DGLUCY: variants seen among roughly 807,000 people sequenced by gnomAD.
The protein encoded by DGLUCY is D-glutamate cyclase, mitochondrial.
A neutral mutation model predicts 58.5 loss-of-function variants in DGLUCY; 58 were observed. The observed-to-expected ratio is 0.99, with a 90% CI of 0.80 to 1.23. The LOEUF is 1.23. DGLUCY is among the 50% of genes most tolerant of loss of function. DGLUCY has a pLI of 0.00. For missense variants in DGLUCY, 779 were observed against 784.7 expected (o/e 0.99, Z 0.09); for synonymous variants, 325 against 314.1 (o/e 1.03, Z -0.37).
intron 1 of DGLUCY, among the ~76,000 whole-genome samples, chr14:91,144,566 AAAG>A (rs1288364855): frequency 2.0e-5 from 3 of 152,184 alleles, no homozygotes; most frequent in Non-Finnish European, 4.4e-5. Flanking sequence ...TATCACAAAA[AAAG>A]GAGTCATGGG....
At chr14:91,069,261 C>T (rs1456177533) in intron 1 of DGLUCY, among the ~76,000 whole-genome samples, 7 of 152,010 alleles carry the variant, frequency 4.6e-5, no homozygotes, top group East Asian at 3.9e-4. Context: ...GTTTTGTTTT[C>T]GTTGCACTTA....
At chr14:91,163,872 G>T (rs1001746053) in intron 3 of DGLUCY, among the ~76,000 whole-genome samples, 1 of 152,172 alleles carries the variant, frequency 6.6e-6, no homozygotes, top group Non-Finnish European at 1.5e-5. Context: ...CAAGATTATT[G>T]TAGGAGAGAA....
At chr14:91,205,350 A>G (rs1264618254) in intron 12 of DGLUCY, among the ~76,000 whole-genome samples, 2 of 151,936 alleles carry the variant, frequency 1.3e-5, no homozygotes, top group Admixed American at 1.3e-4. Context: ...GTGCCTCCCT[A>G]CTGTTGCTCC....
Position 91,075,940 on chromosome 14 carries a change from C to G in DGLUCY, c.-82+15236C>G, listed in dbSNP as rs185774764. Among the ~76,000 whole-genome samples the G allele has an allele frequency of 2.1e-3, 320 of 152,212 alleles. 2 individuals are homozygous for G. Among genetic ancestry groups the G allele is most frequent in the African/African-American group, 7.4e-3 (306 of 41,528 alleles). ...CCAGCCAGGCCAACATGGTGAAACC[C>G]CATCTCTACTACAAATACAAAAATT... On this transcript the variant is annotated intron_variant, in intron 1 of 4. Coordinates refer to the DGLUCY transcript ENST00000521334.
At position 91,160,417 on chromosome 14, in the gene DGLUCY, T is replaced by TAAAAAAAAAAAAAAAAAAAAA; in HGVS notation, c.103+24_103+44dup. Reference sequence around the variant, plus strand: ...CTGGAGGTAAGTGGTGCCAGATAGTTAAAAAAAAAAAAAAAAAAAAAAAAG... The same window carrying TAAAAAAAAAAAAAAAAAAAAA: ...CTGGAGGTAAGTGGTGCCAGATAGTTAAAAAAAAAAAAAAAAAAAAAAAAAAAAAAAAAAAAAAAAAAAAAG... On this transcript the variant is annotated intron_variant, in intron 3 of 13. Coordinates refer to ENST00000256324, the MANE Select transcript of DGLUCY (RefSeq NM_001102368.3). The TAAAAAAAAAAAAAAAAAAAAA allele has an allele frequency of 1.7e-6, 1 of 577,308 alleles. No individual in the cohort carries two copies. Among genetic ancestry groups the TAAAAAAAAAAAAAAAAAAAAA allele is most frequent in the African/African-American group, 2.9e-5 (1 of 33,992 alleles). The allele number at this position is 577,308 out of a possible 1,614,324, so 35.8% of individuals were successfully genotyped here.
chr14:91,132,469 T>G (rs1214306476), intron 1 of DGLUCY, among the ~76,000 whole-genome samples: 4 of 149,412 alleles, frequency 2.7e-5, no homozygotes, highest in Non-Finnish European at 5.9e-5. Flanking sequence ...GGGAGACCCA[T>G]AACTTTTTCT....
At chr14:91,093,080 T>G (rs2044339295) in intron 1 of DGLUCY, among the ~76,000 whole-genome samples, 1 of 136,878 alleles carries the variant, frequency 7.3e-6, no homozygotes, top group Non-Finnish European at 1.5e-5. Flanking sequence ...TGAAACTCAG[T>G]CTCAAAAAAA....
rs1555393408 is a variant in DGLUCY at position 91,122,604 on chromosome 14, T to TTTTTTG, written c.-82+8326_-82+8327insGTTTTT. Among the ~76,000 whole-genome samples the TTTTTTG allele has an allele frequency of 1.7e-3, 215 of 128,966 alleles. 3 individuals carry two copies. The highest frequency in any genetic ancestry group is 6.4e-3 in the African/African-American group (208 of 32,706). 84.6% of individuals were successfully genotyped at this position (128,966 alleles called of 152,430 possible). A position where few individuals can be genotyped will look rare whatever the true frequency, so the allele number is the denominator to read the frequency against. ...TTTAACTATAATAAAAGAAAAAAGT[T>TTTTTTG]TTTTTTTTTTTTTTTTGAGATAGAG... On this transcript the variant is annotated intron_variant, in intron 1 of 13. Transcript: ENST00000256324.
At chr14:91,204,937 C>G (rs1160428939) in intron 12 of DGLUCY, 112 bp downstream of exon 12, 13 of 1,448,872 alleles carry the variant, frequency 9.0e-6, no homozygotes, top group Non-Finnish European at 1.2e-5. Context: ...CATAGGGCAC[C>G]AGGGCAGGGA....
chr14:91,064,341 A>G (rs1404730001), intron 1 of DGLUCY, among the ~76,000 whole-genome samples: 2 of 152,154 alleles, frequency 1.3e-5, no homozygotes, highest in African/African-American at 2.4e-5. Flanking sequence ...GAGATTACCT[A>G]GGGAGAAGCC....
intron 1 of DGLUCY, among the ~76,000 whole-genome samples, chr14:91,125,780 C>G (rs1349069827): frequency 6.6e-6 from 1 of 152,154 alleles, no homozygotes; most frequent in East Asian, 1.9e-4. Context: ...TGGTGAAATC[C>G]TGTCTCTACT....
At chr14:91,123,342 T>G (rs1208302216) in intron 1 of DGLUCY, among the ~76,000 whole-genome samples, 1 of 152,212 alleles carries the variant, frequency 6.6e-6, no homozygotes, top group Non-Finnish European at 1.5e-5. Flanking sequence ...CCACTTGATA[T>G]TAGCGCACAT....
intron 1 of DGLUCY, among the ~76,000 whole-genome samples, chr14:91,082,276 C>G (rs901095158): frequency 1.3e-5 from 2 of 152,184 alleles, no homozygotes; most frequent in African/African-American, 4.8e-5. Context: ...CCACACTCCC[C>G]CCTTCCCATG....
intron 1 of DGLUCY, among the ~76,000 whole-genome samples, chr14:91,152,599 T>C (rs775398111): frequency 1.3e-5 from 2 of 152,174 alleles, no homozygotes; most frequent in East Asian, 1.9e-4. Context: ...GCAACACTTA[T>C]TTTGCAAATT....
At chr14:91,203,611 G>A (rs1005741209) in intron 11 of DGLUCY, among the ~76,000 whole-genome samples, 1 of 151,774 alleles carries the variant, frequency 6.6e-6, no homozygotes. Flanking sequence ...CAGGAGCTGT[G>A]TCCCCCAGAT....
upstream of DGLUCY, among the ~76,000 whole-genome samples, chr14:91,105,535 TTGCCTATGGTGAATA>T (rs1408829452): frequency 6.6e-6 from 1 of 152,124 alleles, no homozygotes; most frequent in Non-Finnish European, 1.5e-5. Flanking sequence ...TCCAGAGAGC[TTGCCTATGGTGAATA>T]AACAGGAGAG....
At position 91,140,679 on chromosome 14, in the gene DGLUCY, CAA is replaced by C. The variant is rs574494152; in HGVS notation, c.-81-16958_-81-16957del. On this transcript the variant is annotated intron_variant, in intron 1 of 13. Transcript: ENST00000256324. Reference sequence around the variant, plus strand: ...GAGTGAGACCCCTTTCCAAAACAAACAAACAAGAAAATAATTTATGAAAGTCA... The same window carrying C: ...GAGTGAGACCCCTTTCCAAAACAAACACAAGAAAATAATTTATGAAAGTCA... Among the ~76,000 whole-genome samples, 7 of 152,162 alleles carry C rather than the reference CAA, an allele frequency of 4.6e-5. No individual in the cohort carries two copies. The South Asian group carries it at 1.5e-3, about 32-fold the overall frequency.
chr14:91,096,495 G>A (rs1276702996), intron 1 of DGLUCY, among the ~76,000 whole-genome samples: 1 of 152,128 alleles, frequency 6.6e-6, no homozygotes, highest in Non-Finnish European at 1.5e-5. Context: ...CCCTCTCACT[G>A]GTGACTCCTC....
chr14:91,177,337 C>G (rs771194342), intron 7 of DGLUCY, among the ~76,000 whole-genome samples: 21 of 152,142 alleles, frequency 1.4e-4, no homozygotes, highest in Non-Finnish European at 2.5e-4. Flanking sequence ...CTGAAGCATC[C>G]CAGCCCATTC....
Sources: gnomAD v4.1 joint callset for allele counts (sites outside exome capture counted in the v4.1 genomes callset) on GRCh38, gnomAD v4.1.1 for gene constraint, MANE v1.5 for transcripts, NCBI Gene and HGNC (gene_info 2026-07-23, HGNC 2026-07-21) for gene names.